Variants in CPM observed in about 807,000 individuals in gnomAD.
CPM encodes the protein renal carboxypeptidase.
A neutral mutation model predicts 46.4 loss-of-function variants in CPM; 35 were observed. That is an observed-to-expected ratio of 0.75 (90% CI 0.58 to 1.00). The LOEUF is 1.00. CPM is among the 50% of genes least tolerant of loss of function. The pLI is 0.00. For missense variants in CPM, 422 were observed against 530.4 expected (o/e 0.80, Z 2.01); for synonymous variants, 195 against 195.3 (o/e 1.00, Z 0.01).
At chr12:68,926,284 T>A (rs2136314478) in intron 2 of CPM, among the ~76,000 whole-genome samples, 1 of 152,306 alleles carries the variant, frequency 6.6e-6, no homozygotes, top group East Asian at 1.9e-4. Context: ...CAACATGTAA[T>A]CAATATAAAA....
chr12:68,936,564 A>G (rs568025863), upstream of CPM, among the ~76,000 whole-genome samples: 1 of 152,086 alleles, frequency 6.6e-6, no homozygotes, highest in East Asian at 1.9e-4. Flanking sequence ...TTGTATTTTT[A>G]GTAGAGACGG....
At chr12:68,866,324 ATGTTTGTT>A (rs145703211) in intron 7 of CPM, among the ~76,000 whole-genome samples, 3 of 151,680 alleles carry the variant, frequency 2.0e-5, no homozygotes, top group African/African-American at 4.8e-5. Context: ...GGGACTCTGG[ATGTTTGTT>A]TGTTTGTTTG....
rs369301300 is a variant in CPM, at chr12:68,859,763, C to T, written c.941-692G>A. 1.4e-4 allele frequency among the ~76,000 whole-genome samples: 21 copies of T among 152,284 alleles called. No individual in the cohort carries two copies. In the East Asian group the frequency reaches 3.3e-3, roughly 24 times the overall value. ...AAACTCACACAGCCAACGAAGTGGC[C>T]CAGCCTAGCCGTCAACCCATGATAG... On this transcript the variant is annotated intron_variant, in intron 7 of 8. Coordinates refer to ENST00000551568, the MANE Select transcript of CPM (RefSeq NM_198320.5).
chr12:68,944,815 A>G (rs540182566), intron 1 of CPM, among the ~76,000 whole-genome samples: 2 of 152,160 alleles, frequency 1.3e-5, no homozygotes, highest in South Asian at 4.2e-4. Flanking sequence ...CTCAGACGTT[A>G]GGATTTTTAA....
At chr12:68,870,428 A>G (rs563909582) in intron 4 of CPM, 29 bp from the exon 5 acceptor site, 1 of 1,590,686 alleles carries the variant, frequency 6.3e-7, no homozygotes, top group Admixed American at 1.7e-5. Context: ...TTTAGGGCTT[A>G]TTGATAGGGC....
intron 5 of CPM, chr12:68,844,872 G>C (rs934593526): frequency 9.9e-6 from 2 of 202,186 alleles, no homozygotes; most frequent in Admixed American, 1.2e-4. Context: ...CTGTGTTCAA[G>C]TGGTTCTGCT....
intron 2 of CPM, among the ~76,000 whole-genome samples, chr12:68,928,911 A>AT (rs5798912): frequency 0.01 from 1,444 of 144,256 alleles, 12 homozygotes; most frequent in Middle Eastern, 0.038. Context: ...GGTTAATTAA[A>AT]TTTTTTTTTT....
At chr12:68,935,145 G>A (rs899127862), upstream of CPM, among the ~76,000 whole-genome samples, 6 of 151,818 alleles carry the variant, frequency 4.0e-5, no homozygotes, top group African/African-American at 1.2e-4. Flanking sequence ...CCCGACCTCG[G>A]GCGATCTGCC....
intron 2 of CPM, chr12:68,914,065 A>G (rs1887708472): frequency 1.6e-6 from 1 of 643,552 alleles, no homozygotes; most frequent in South Asian, 1.5e-5. Context: ...AATGCTATAA[A>G]CAGGCTTGGA....
intron 1 of CPM, among the ~76,000 whole-genome samples, chr12:68,947,899 T>C (rs951767567): frequency 3.3e-5 from 5 of 152,108 alleles, no homozygotes; most frequent in African/African-American, 9.7e-5. Context: ...TTTATACTAA[T>C]GTCATAATTT....
At chr12:68,940,342 T>C (rs1440093398) in intron 1 of CPM, among the ~76,000 whole-genome samples, 1 of 151,864 alleles carries the variant, frequency 6.6e-6, no homozygotes, top group East Asian at 1.9e-4. Context: ...TTGCATATGC[T>C]ATGAGTTTTT....
intron 1 of CPM, among the ~76,000 whole-genome samples, chr12:68,951,896 G>A (rs1170142663): frequency 6.6e-6 from 1 of 152,224 alleles, no homozygotes; most frequent in Non-Finnish European, 1.5e-5. Context: ...GGGCAGAAAG[G>A]AAGGAGCCAG....
At chr12:68,894,623 TAAG>T (rs1338319500) in intron 2 of CPM, among the ~76,000 whole-genome samples, 1 of 152,218 alleles carries the variant, frequency 6.6e-6, no homozygotes. Flanking sequence ...ATCCTGGTTC[TAAG>T]AAGTTTCCCC....
chr12:68,860,397 T>C (rs1251460049), intron 7 of CPM, among the ~76,000 whole-genome samples: 1 of 152,204 alleles, frequency 6.6e-6, no homozygotes, highest in Non-Finnish European at 1.5e-5. Flanking sequence ...TGGTAATAAT[T>C]TGGTAACCTG....
At chr12:68,899,395 A>G (rs969498599) in intron 2 of CPM, among the ~76,000 whole-genome samples, 31 of 152,244 alleles carry the variant, frequency 2.0e-4, no homozygotes, top group African/African-American at 6.8e-4. Flanking sequence ...CACCTCTGTT[A>G]ACTGTGTTGA....
chr12:68,939,928 T>C (rs1213842554), intron 1 of CPM, among the ~76,000 whole-genome samples: 1 of 152,116 alleles, frequency 6.6e-6, no homozygotes, highest in African/African-American at 2.4e-5. Flanking sequence ...TATTGAACAT[T>C]TATTGTTCTT....
At chr12:68,891,882 G>A (rs1331673840) in intron 2 of CPM, among the ~76,000 whole-genome samples, 3 of 152,094 alleles carry the variant, frequency 2.0e-5, no homozygotes, top group African/African-American at 7.2e-5. Flanking sequence ...GACTACAGAT[G>A]TGTGCCACCA....
intron 8 of CPM, among the ~76,000 whole-genome samples, chr12:68,857,095 A>G (rs761394506): frequency 8.6e-5 from 13 of 151,962 alleles, no homozygotes; most frequent in Non-Finnish European, 5.9e-5. Flanking sequence ...TCAACTTACT[A>G]ATTTCTTTTC....
intron 2 of CPM, among the ~76,000 whole-genome samples, chr12:68,921,034 T>C (rs540426233): frequency 2.0e-4 from 30 of 151,110 alleles, no homozygotes; most frequent in African/African-American, 7.1e-4. Flanking sequence ...AAAGGCCTTC[T>C]TCACATGATC....
Sources: gnomAD v4.1 joint callset for allele counts (sites outside exome capture counted in the v4.1 genomes callset) on GRCh38, gnomAD v4.1.1 for gene constraint, MANE v1.5 for transcripts, NCBI Gene and HGNC (gene_info 2026-07-23, HGNC 2026-07-21) for gene names.